ZNF346: variants seen among roughly 807,000 people sequenced by gnomAD.
ZNF346 encodes the protein zinc finger protein 346.
In ZNF346, 23 loss-of-function variants were observed where a neutral mutation model predicts 33.7. That is an observed-to-expected ratio of 0.68 (90% CI 0.49 to 0.97). ZNF346 has a LOEUF of 0.97. ZNF346 is among the 50% of genes least tolerant of loss of function. The pLI, the probability that ZNF346 is intolerant of heterozygous loss-of-function variation, is 0.00. For synonymous variants in ZNF346, 134 were observed against 142.4 expected (o/e 0.94, Z 0.42); for missense variants, 340 against 371.1 (o/e 0.92, Z 0.69).
chr5:177,057,929 CT>C (rs1781958967), intron 5 of ZNF346, among the ~76,000 whole-genome samples: 1 of 151,040 alleles, frequency 6.6e-6, no homozygotes, highest in Non-Finnish European at 1.5e-5. Flanking sequence ...TCAAGCAATT[CT>C]CCTGCCTCAG....
At chr5:177,034,479 A>G (rs1778195259) in intron 1 of ZNF346, among the ~76,000 whole-genome samples, 1 of 152,080 alleles carries the variant, frequency 6.6e-6, no homozygotes. Flanking sequence ...CTTCCACCTC[A>G]GCCTCCCAAA....
Position 177,041,885 on chromosome 5 carries a change from A to G in ZNF346, c.372+15A>G, listed in dbSNP as rs765624425. 1.3e-5 allele frequency: 20 copies of G among 1,572,476 alleles called. No homozygotes were observed. The highest frequency in any genetic ancestry group is 2.2e-5 in the South Asian group (2 of 89,796). On this transcript the variant is annotated intron_variant, in intron 3 of 6. Coordinates refer to ENST00000358149, the MANE Select transcript of ZNF346 (RefSeq NM_012279.4). Reference sequence around the variant, plus strand: ...ACTCAGATCAGGTAATACAGCTGCCATATTGAGCCCACTTGCTTCATGATG... The same window carrying G: ...ACTCAGATCAGGTAATACAGCTGCCGTATTGAGCCCACTTGCTTCATGATG...
intron 4 of ZNF346, among the ~76,000 whole-genome samples, chr5:177,046,491 C>T (rs7707602): frequency 0.14 from 21,416 of 152,028 alleles, 3,206 homozygotes; most frequent in African/African-American, 0.38. Flanking sequence ...CTTTATATCC[C>T]GCTTTTACTT....
chr5:177,048,233 T>C (rs1489304783), intron 4 of ZNF346, among the ~76,000 whole-genome samples: 1 of 152,220 alleles, frequency 6.6e-6, no homozygotes. Context: ...CACTTTCACT[T>C]CTGATGCTTC....
intron 4 of ZNF346, among the ~76,000 whole-genome samples, chr5:177,048,991 G>GA (rs1780494382): frequency 6.6e-6 from 1 of 151,714 alleles, no homozygotes; most frequent in Non-Finnish European, 1.5e-5. Context: ...TCACCATGTT[G>GA]GCCAGGCTGG....
At chr5:177,035,141 C>G (rs1778297719) in intron 1 of ZNF346, among the ~76,000 whole-genome samples, 1 of 152,100 alleles carries the variant, frequency 6.6e-6, no homozygotes. Context: ...CTCAGCCTCC[C>G]AAGTAGCTGG....
intron 6 of ZNF346, among the ~76,000 whole-genome samples, chr5:177,063,065 G>GT (rs556962990): frequency 0.015 from 2,169 of 142,678 alleles, 16 homozygotes; most frequent in South Asian, 0.026. Flanking sequence ...ACAACATAAC[G>GT]TTTTTTTTTT....
intron 6 of ZNF346, among the ~76,000 whole-genome samples, chr5:177,062,734 AC>A (rs1486413152): frequency 5.9e-5 from 9 of 152,210 alleles, no homozygotes; most frequent in Non-Finnish European, 1.0e-4. Flanking sequence ...GAAGTGACTA[AC>A]ATTCATTGAG....
downstream of ZNF346, among the ~76,000 whole-genome samples, chr5:177,070,595 A>G (rs1783454941): frequency 6.6e-6 from 1 of 152,160 alleles, no homozygotes; most frequent in Non-Finnish European, 1.5e-5. Context: ...CATGAGAATT[A>G]AAAGAATAGG....
At chr5:177,049,254 A>G (rs1353518679) in intron 4 of ZNF346, among the ~76,000 whole-genome samples, 3 of 152,336 alleles carry the variant, frequency 2.0e-5, no homozygotes, top group East Asian at 1.9e-4. Flanking sequence ...AAGGCCAGCA[A>G]ATTTCTTCTG....
chr5:177,025,931 G>C (rs1776698053), intron 1 of ZNF346, among the ~76,000 whole-genome samples: 1 of 151,804 alleles, frequency 6.6e-6, no homozygotes, highest in Non-Finnish European at 1.5e-5. Context: ...TCATATCTAA[G>C]AACTCTTTAT....
At chr5:177,024,689 G>C (rs542679566) in intron 1 of ZNF346, among the ~76,000 whole-genome samples, 12 of 152,346 alleles carry the variant, frequency 7.9e-5, no homozygotes, top group African/African-American at 2.9e-4. Context: ...CACCAAAACA[G>C]TTCCAGTGTA....
Position 177,077,081 on chromosome 5 carries a change from A to AT in ZNF346, c.*3-2295dup, listed in dbSNP as rs752944518. Reference sequence around the variant, plus strand: ...ACATAAAAACAAGTATCTTTGAATAATTTTTTCTTTAACACCAATAGTCAG... The same window carrying AT: ...ACATAAAAACAAGTATCTTTGAATAATTTTTTTCTTTAACACCAATAGTCAG... On this transcript the variant is annotated intron_variant, in intron 8 of 8. Transcript: ENST00000503039. The surrounding 1 kb of genome is among the most constrained non-coding windows in gnomAD (Gnocchi z 5.0). Among the ~76,000 whole-genome samples, 1 of 152,168 alleles carries AT rather than the reference A, an allele frequency of 6.6e-6. No homozygotes were observed. The highest frequency in any genetic ancestry group is 2.4e-5 in the African/African-American group (1 of 41,432).
rs1283719452 is a variant in ZNF346 at position 177,050,746 on chromosome 5, C to T, written c.518-5C>T. ...CAAATCCTTTCCTTGTGGCCTCCACCTTAGCCTTGCACCAGAATAGAGAGA... is the reference window on the plus strand; with the variant it reads ...CAAATCCTTTCCTTGTGGCCTCCACTTTAGCCTTGCACCAGAATAGAGAGA... On this transcript the variant is annotated splice_region_variant and splice_polypyrimidine_tract_variant and intron_variant, in intron 4 of 6. Transcript: ENST00000358149. The T allele has an allele frequency of 6.2e-7, 1 of 1,614,048 alleles. No homozygotes were observed.
intron 1 of ZNF346, among the ~76,000 whole-genome samples, chr5:177,032,662 C>T (rs533090011): frequency 1.6e-3 from 245 of 152,240 alleles, no homozygotes; most frequent in African/African-American, 5.1e-3. Context: ...CCGCCCGCCT[C>T]GGCCTCCCAA....
At chr5:177,071,905 G>A (rs1394389167), downstream of ZNF346, among the ~76,000 whole-genome samples, 1 of 152,060 alleles carries the variant, frequency 6.6e-6, no homozygotes, top group African/African-American at 2.4e-5. Flanking sequence ...ACCCGTCCCC[G>A]GCCTGTCTCT....
intron 1 of ZNF346, among the ~76,000 whole-genome samples, chr5:177,036,982 G>A (rs940649384): frequency 5.3e-5 from 8 of 152,168 alleles, no homozygotes; most frequent in Admixed American, 1.3e-4. Flanking sequence ...AAAAAAAGCC[G>A]CTGATTCCTA....
chr5:177,022,967 G>A, intron 1 of ZNF346, 54 bp downstream of exon 1: 13 of 1,442,338 alleles, frequency 9.0e-6, no homozygotes, highest in Non-Finnish European at 1.2e-5. Context: ...GCGGCTCGCG[G>A]GGAACTGCGG....
At chr5:177,036,707 C>A (rs1202983791) in intron 1 of ZNF346, among the ~76,000 whole-genome samples, 1 of 152,180 alleles carries the variant, frequency 6.6e-6, no homozygotes, top group Non-Finnish European at 1.5e-5. Flanking sequence ...TGGAGATCAT[C>A]ATTTCCATCA....
Sources: gnomAD v4.1 joint callset for allele counts (sites outside exome capture counted in the v4.1 genomes callset) on GRCh38, gnomAD v4.1.1 for gene constraint, Gnocchi (gnomAD v3.1) non-coding constraint, MANE v1.5 for transcripts, NCBI Gene and HGNC (gene_info 2026-07-23, HGNC 2026-07-21) for gene names.